The following WWOX variants were observed in gnomAD, a reference collection of about 807,000 sequenced individuals.
WWOX encodes the protein WW domain containing oxidoreductase, also known as WW domain-containing oxidoreductase.
WWOX carries 69 observed loss-of-function variants against 46.2 expected under a neutral mutation model. The ratio of observed to expected loss-of-function variants is 1.49; its 90% CI spans 1.23 to 1.82. The LOEUF is 1.82. Among genes scored for constraint, WWOX ranks in the 40% most tolerant of loss-of-function variants. WWOX has a pLI of 0.00. For missense variants in WWOX, 919 were observed against 542.6 expected (o/e 1.69, Z -6.89); for synonymous variants, 359 against 202.6 (o/e 1.77, Z -6.56).
At chr16:79,141,908 G>C (rs1006355910) in intron 8 of WWOX, among the ~76,000 whole-genome samples, 2 of 152,176 alleles carry the variant, frequency 1.3e-5, no homozygotes, top group Non-Finnish European at 2.9e-5. Flanking sequence ...GAAGGAAGCA[G>C]TGTCCGTTAG....
At chr16:78,622,254 C>T (rs1368348400) in intron 8 of WWOX, among the ~76,000 whole-genome samples, 3 of 152,082 alleles carry the variant, frequency 2.0e-5, no homozygotes, top group Non-Finnish European at 4.4e-5. Context: ...TAAAAGTGAA[C>T]CCTTGTGGCT....
chr16:79,165,285 CAT>C (rs1310925507), intron 8 of WWOX, among the ~76,000 whole-genome samples: 1 of 152,108 alleles, frequency 6.6e-6, no homozygotes, highest in Non-Finnish European at 1.5e-5. Flanking sequence ...AGGTCAATTT[CAT>C]GTGTGTGTGC....
chr16:79,096,600 G>T (rs1399310534), intron 8 of WWOX, among the ~76,000 whole-genome samples: 1 of 152,080 alleles, frequency 6.6e-6, no homozygotes, highest in East Asian at 1.9e-4. Context: ...TCCATCCCCA[G>T]CAGCACCTCT....
chr16:79,098,239 C>G lies in WWOX; in HGVS notation c.1057-113369C>G, dbSNP rs569427404. Among the ~76,000 whole-genome samples the G allele has an allele frequency of 3.9e-5, 6 of 152,312 alleles. No individual in the cohort carries two copies. The East Asian group carries it at 5.8e-4, about 15-fold the overall frequency. Reference sequence around the variant, plus strand: ...TGATTGCAGATTGAATCCAGAAGCTCTAAGCAGAGGCACAGTCACATTTGG... The same window carrying G: ...TGATTGCAGATTGAATCCAGAAGCTGTAAGCAGAGGCACAGTCACATTTGG... On this transcript the variant is annotated intron_variant, in intron 8 of 8. Coordinates refer to ENST00000566780, the MANE Select transcript of WWOX (RefSeq NM_016373.4).
intron 8 of WWOX, among the ~76,000 whole-genome samples, chr16:78,702,610 G>T (rs1043247683): frequency 1.3e-5 from 2 of 150,586 alleles, no homozygotes; most frequent in Non-Finnish European, 2.9e-5. Flanking sequence ...AGCTGAGATT[G>T]CACCACTGTA....
chr16:78,980,645 A>T (rs16949121), intron 8 of WWOX, among the ~76,000 whole-genome samples: 22,296 of 152,156 alleles, frequency 0.15, 2,123 homozygotes, highest in East Asian at 0.31. Flanking sequence ...ATTATTCCAT[A>T]GTTGCAGGAA....
chr16:78,192,255 G>T (rs766641853), intron 5 of WWOX, among the ~76,000 whole-genome samples: 2 of 152,126 alleles, frequency 1.3e-5, no homozygotes, highest in Non-Finnish European at 2.9e-5. Flanking sequence ...AGCACTTTGG[G>T]ATGCTGACGC....
At chr16:79,105,099 C>T (rs1315526818) in intron 8 of WWOX, among the ~76,000 whole-genome samples, 1 of 152,158 alleles carries the variant, frequency 6.6e-6, no homozygotes, top group Non-Finnish European at 1.5e-5. Flanking sequence ...AGGGACGCAG[C>T]CCCTCACCTG....
intron 8 of WWOX, among the ~76,000 whole-genome samples, chr16:79,186,325 G>C (rs1025166528): frequency 6.6e-6 from 1 of 152,160 alleles, no homozygotes; most frequent in African/African-American, 2.4e-5. Context: ...CCACAGTGTG[G>C]ACAGGGCCAT....
At chr16:78,353,070 T>A (rs1000057502) in intron 5 of WWOX, among the ~76,000 whole-genome samples, 2 of 152,284 alleles carry the variant, frequency 1.3e-5, no homozygotes, top group African/African-American at 4.8e-5. Context: ...CTCAGATTTT[T>A]GTATGAGGAA....
chr16:78,876,688 A>G (rs2044241067), intron 8 of WWOX, among the ~76,000 whole-genome samples: 1 of 152,252 alleles, frequency 6.6e-6, no homozygotes, highest in Non-Finnish European at 1.5e-5. Context: ...TTCTCAGAAC[A>G]GCCCAGTTAG....
intron 5 of WWOX, among the ~76,000 whole-genome samples, chr16:78,381,151 T>A (rs2081948353): frequency 1.3e-5 from 2 of 152,160 alleles, no homozygotes; most frequent in African/African-American, 2.4e-5. Flanking sequence ...TTTCTCTGTT[T>A]AAATACCACA....
At chr16:78,844,921 C>T (rs563059840) in intron 8 of WWOX, among the ~76,000 whole-genome samples, 4 of 152,270 alleles carry the variant, frequency 2.6e-5, no homozygotes, top group Non-Finnish European at 5.9e-5. Context: ...CTCTCAGGAT[C>T]TTTGGCCCTG....
chr16:79,141,715 G>C (rs1567578095), intron 8 of WWOX, among the ~76,000 whole-genome samples: 1 of 151,692 alleles, frequency 6.6e-6, no homozygotes, highest in South Asian at 2.1e-4. Context: ...TCTTGGTGTT[G>C]TGATAAGCCC....
chr16:78,712,401 C>G (rs977213498), intron 8 of WWOX, among the ~76,000 whole-genome samples: 4 of 151,846 alleles, frequency 2.6e-5, no homozygotes, highest in African/African-American at 9.7e-5. Flanking sequence ...ACTTGGGAGG[C>G]TGAGGCGGGA....
At chr16:78,920,498 C>T (rs772698618) in intron 8 of WWOX, among the ~76,000 whole-genome samples, 12 of 152,184 alleles carry the variant, frequency 7.9e-5, no homozygotes, top group Non-Finnish European at 1.3e-4. Context: ...CTGCTGCCTG[C>T]ATCCCCAACC....
At chr16:78,931,051 C>G (rs2045613983) in intron 8 of WWOX, among the ~76,000 whole-genome samples, 1 of 152,098 alleles carries the variant, frequency 6.6e-6, no homozygotes, top group African/African-American at 2.4e-5. Context: ...ATGAGAAATG[C>G]ACATGAAATG....
intron 8 of WWOX, among the ~76,000 whole-genome samples, chr16:78,717,079 C>G (rs1457498010): frequency 2.0e-5 from 3 of 152,164 alleles, no homozygotes; most frequent in Non-Finnish European, 4.4e-5. Flanking sequence ...ATGGCTTCAT[C>G]ACATGGTGAT....
At chr16:78,534,968 T>TC (rs2043723246) in intron 8 of WWOX, among the ~76,000 whole-genome samples, 2 of 152,240 alleles carry the variant, frequency 1.3e-5, no homozygotes, top group South Asian at 4.2e-4. Flanking sequence ...CGTCTCAGCC[T>TC]CCCAAAGTGC....
Sources: allele counts gnomAD v4.1 joint callset (sites outside exome capture counted in the v4.1 genomes callset), GRCh38; gene constraint gnomAD v4.1.1; transcripts MANE v1.5; gene names NCBI Gene and HGNC (gene_info 2026-07-23, HGNC 2026-07-21).